The following ITPR1 variants were observed in gnomAD, a reference collection of about 807,000 sequenced individuals.
The protein encoded by ITPR1 is inositol 1,4,5-trisphosphate-gated calcium channel ITPR1.
A neutral mutation model predicts 318.4 loss-of-function variants in ITPR1; 96 were observed. The ratio of observed to expected loss-of-function variants is 0.30; its 90% confidence interval spans 0.26 to 0.36. The LOEUF (loss-of-function observed/expected upper bound fraction) is 0.36. Ranked by LOEUF, ITPR1 falls within the 10% of genes least tolerant of loss-of-function variation. ITPR1 has a pLI of 1.00. For synonymous variants in ITPR1, 1,312 were observed against 1,289.9 expected (o/e 1.02, Z -0.37); for missense variants, 2,440 against 3,460.2 (o/e 0.71, Z 7.40).
At chr3:4,715,556 T>C (rs2041705267) in intron 39 of ITPR1, among the ~76,000 whole-genome samples, 1 of 152,162 alleles carries the variant, frequency 6.6e-6, no homozygotes. Context: ...GAAGTGCCTG[T>C]TCAAGAACTA....
chr3:4,518,636 T>C (rs905685152), intron 3 of ITPR1, among the ~76,000 whole-genome samples: 1 of 152,152 alleles, frequency 6.6e-6, no homozygotes, highest in African/African-American at 2.4e-5. Flanking sequence ...CCCCATCCCA[T>C]TTATATAGAT....
chr3:4,834,369 T>C (rs1382051359), intron 60 of ITPR1, among the ~76,000 whole-genome samples: 1 of 152,192 alleles, frequency 6.6e-6, no homozygotes, highest in Non-Finnish European at 1.5e-5. Context: ...GTATCCAAAG[T>C]GGGACTTTGT....
chr3:4,794,910 C>A, intron 52 of ITPR1, 155 bp from the exon 53 acceptor site: 1 of 787,694 alleles, frequency 1.3e-6, no homozygotes, highest in Non-Finnish European at 1.9e-6. Context: ...TCATTATGTA[C>A]CAAGTTCCAA....
chr3:4,717,548 T>C (rs746270956), intron 40 of ITPR1, 149 bp downstream of exon 40: 46 of 739,802 alleles, frequency 6.2e-5, no homozygotes, highest in Non-Finnish European at 1.0e-4. Context: ...GTGGAGTCTG[T>C]CGTGTCTGTG....
At chr3:4,788,523 G>A (rs1048191070) in intron 52 of ITPR1, among the ~76,000 whole-genome samples, 1 of 152,168 alleles carries the variant, frequency 6.6e-6, no homozygotes, top group Non-Finnish European at 1.5e-5. Flanking sequence ...TCATTTACTA[G>A]CACACCTGCT....
chr3:4,517,784 C>T lies in ITPR1; in HGVS notation c.92+1201C>T, dbSNP rs2082272792. The stretch of plus-strand genomic sequence containing the variant: ...CCTTCTGCCCTGCCTCTGACTCTCC[C>T]TCCTTTCTTCATGGTTGGCTCCTTC... On this transcript the variant is annotated intron_variant, in intron 3 of 61. Transcript: ENST00000649015. Among the ~76,000 whole-genome samples the T allele has an allele frequency of 3.3e-5, 5 of 152,314 alleles. No homozygotes were observed. In the South Asian group the frequency reaches 8.3e-4, roughly 25 times the overall value.
chr3:4,662,987 C>T (rs1452187230), intron 15 of ITPR1, 78 bp from the exon 16 acceptor site: 3 of 1,372,844 alleles, frequency 2.2e-6, no homozygotes, highest in South Asian at 2.6e-5. Context: ...CTCATTCGTC[C>T]AGAAGGCTTC....
At chr3:4,645,824 A>G (rs951586000) in intron 10 of ITPR1, 96 bp downstream of exon 10, 2 of 1,115,572 alleles carry the variant, frequency 1.8e-6, no homozygotes, top group South Asian at 1.3e-5. Flanking sequence ...TCATACATAC[A>G]TATACCTATA....
chr3:4,694,484 G>A (rs748509361), intron 33 of ITPR1, among the ~76,000 whole-genome samples: 3 of 151,882 alleles, frequency 2.0e-5, no homozygotes, highest in Non-Finnish European at 4.4e-5. Context: ...GTCATGTGTC[G>A]CTTAGTGGTG....
At chr3:4,719,005 C>G (rs2041959908) in intron 40 of ITPR1, among the ~76,000 whole-genome samples, 1 of 152,174 alleles carries the variant, frequency 6.6e-6, no homozygotes, top group Non-Finnish European at 1.5e-5. Context: ...GAAAACCTTC[C>G]CTAATCAGAG....
At chr3:4,555,993 G>A (rs539772486) in intron 4 of ITPR1, among the ~76,000 whole-genome samples, 8 of 152,304 alleles carry the variant, frequency 5.3e-5, no homozygotes, top group Admixed American at 2.0e-4. Context: ...GCGTCGTGCT[G>A]TGTTTTAGCA....
intron 2 of ITPR1, among the ~76,000 whole-genome samples, chr3:4,512,580 C>T (rs1197960968): frequency 3.9e-5 from 6 of 152,098 alleles, no homozygotes; most frequent in Admixed American, 2.6e-4. Flanking sequence ...TGTTATGATA[C>T]ACATCTGATT....
chr3:4,682,929 C>T (rs1225005767), intron 26 of ITPR1, among the ~76,000 whole-genome samples: 2 of 152,134 alleles, frequency 1.3e-5, no homozygotes, highest in Non-Finnish European at 2.9e-5. Context: ...TAGTGCATTC[C>T]TATAGTCCCA....
chr3:4,835,851 T>G (rs1218374371), intron 60 of ITPR1, among the ~76,000 whole-genome samples: 1 of 152,166 alleles, frequency 6.6e-6, no homozygotes, highest in East Asian at 1.9e-4. Flanking sequence ...AAATACTGTT[T>G]ACAGGCATAA....
rs938805045 is a variant in ITPR1, at chr3:4,668,254, T to TC, written c.1886+711dup. 3.7e-5 allele frequency among the ~76,000 whole-genome samples: 5 copies of TC among 135,970 alleles called. No homozygotes were observed. The East Asian group carries it at 9.6e-4, about 26-fold the overall frequency. 89.2% of individuals were successfully genotyped at this position (135,970 alleles called of 152,430 possible). On this transcript the variant is annotated intron_variant, in intron 18 of 61. Transcript: ENST00000649015. ...TTTTTTACCTGTTAACATCCCCACC[T>TC]CCCCCCTGCCCTCCCACTATCTTTC...
chr3:4,841,517 C>A (rs977321069), intron 61 of ITPR1, among the ~76,000 whole-genome samples: 1 of 152,204 alleles, frequency 6.6e-6, no homozygotes, highest in African/African-American at 2.4e-5. Context: ...GCATTAGGTA[C>A]TGGGGCTACA....
At chr3:4,673,525 C>G (rs1232221259) in intron 21 of ITPR1, 138 bp downstream of exon 21, 10 of 926,140 alleles carry the variant, frequency 1.1e-5, no homozygotes, top group Non-Finnish European at 1.2e-5. Flanking sequence ...AAGTGGATGG[C>G]AAATATTTTT....
chr3:4,662,946 G>T lies in ITPR1; in HGVS notation c.1413-119G>T. 6.8e-6 allele frequency: 5 copies of T among 738,046 alleles called. No homozygotes were observed. In the South Asian group the frequency reaches 1.1e-4, roughly 16 times the overall value. The allele number at this position is 738,046 out of a possible 1,614,324, so 45.7% of individuals were successfully genotyped here. ...TTCTGTTGTCAGTTTCAAAGAAATTGGAAAGTGTGGGTCTGCCCCTGTTTA... is the reference window on the plus strand; with the variant it reads ...TTCTGTTGTCAGTTTCAAAGAAATTTGAAAGTGTGGGTCTGCCCCTGTTTA... On this transcript the variant is annotated intron_variant, in intron 15 of 61. Coordinates refer to ENST00000649015, the MANE Select transcript of ITPR1 (RefSeq NM_001378452.1).
At chr3:4,706,516 G>A (rs769644463) in intron 37 of ITPR1, among the ~76,000 whole-genome samples, 165 bp downstream of exon 37, 16 of 152,228 alleles carry the variant, frequency 1.1e-4, no homozygotes, top group Non-Finnish European at 2.4e-4. Context: ...GGAGTGGGAA[G>A]TTACTTAGGA....
Sources: gnomAD v4.1 joint callset for allele counts (sites outside exome capture counted in the v4.1 genomes callset) on GRCh38, gnomAD v4.1.1 for gene constraint, MANE v1.5 for transcripts, NCBI Gene and HGNC (gene_info 2026-07-23, HGNC 2026-07-21) for gene names.